Variants in PRKCE observed in about 807,000 individuals in gnomAD.
The protein encoded by PRKCE is protein kinase C epsilon type.
In PRKCE, 16 loss-of-function variants were observed where a neutral mutation model predicts 85.4. The observed-to-expected ratio is 0.19, with a 90% CI of 0.13 to 0.28. The LOEUF is 0.28. Among genes scored for constraint, PRKCE ranks in the 10% least tolerant of loss-of-function variants. The pLI, the probability that PRKCE is intolerant of heterozygous loss-of-function variation, is 1.00. For missense variants in PRKCE, 573 were observed against 975.2 expected, an observed-to-expected ratio of 0.59 and a Z score of 5.49; for synonymous variants, 388 against 371.5, an observed-to-expected ratio of 1.04 and a Z score of -0.51.
At chr2:45,687,231 T>C (rs566686880) in intron 1 of PRKCE, among the ~76,000 whole-genome samples, 1 of 152,206 alleles carries the variant, frequency 6.6e-6, no homozygotes, top group South Asian at 2.1e-4. Flanking sequence ...AAACGACTAA[T>C]ATCCTTAATT....
Position 45,907,476 on chromosome 2 carries a change from A to G in PRKCE, c.412+64413A>G, listed in dbSNP as rs1479353013. 1.3e-5 allele frequency among the ~76,000 whole-genome samples: 2 copies of G among 152,254 alleles called. No homozygotes were observed. Among genetic ancestry groups the G allele is most frequent in the Non-Finnish European group, 2.9e-5 (2 of 68,046 alleles). On this transcript the variant is annotated intron_variant, in intron 2 of 14. Transcript: ENST00000306156. The surrounding 1 kb of genome is among the most constrained non-coding windows in gnomAD (Gnocchi z 4.5). Reference sequence around the variant, plus strand: ...CCAAGACGAGTTTTGTCCCTGCCACAGAGGTAACAATGGACGAAGCACACT... The same window carrying G: ...CCAAGACGAGTTTTGTCCCTGCCACGGAGGTAACAATGGACGAAGCACACT...
intron 2 of PRKCE, among the ~76,000 whole-genome samples, chr2:45,910,437 T>C (rs1697302246): frequency 6.6e-6 from 1 of 152,184 alleles, no homozygotes; most frequent in African/African-American, 2.4e-5. Flanking sequence ...TTCTCTAGCC[T>C]AGTACTACTT....
intron 1 of PRKCE, among the ~76,000 whole-genome samples, chr2:45,743,332 A>G (rs893360972): frequency 3.3e-5 from 5 of 152,172 alleles, no homozygotes; most frequent in African/African-American, 7.2e-5. Context: ...TTACTTCACA[A>G]TGTGCACTTA....
At chr2:45,866,634 G>A (rs1019076379) in intron 2 of PRKCE, among the ~76,000 whole-genome samples, 1 of 152,198 alleles carries the variant, frequency 6.6e-6, no homozygotes, top group Non-Finnish European at 1.5e-5. Context: ...TAACAATGGC[G>A]GGGAAGCAGG....
At chr2:46,103,492 A>C (rs958340159) in intron 11 of PRKCE, among the ~76,000 whole-genome samples, 1 of 152,250 alleles carries the variant, frequency 6.6e-6, no homozygotes, top group African/African-American at 2.4e-5. Context: ...GAATACACAC[A>C]TACACATAAC....
chr2:45,689,568 AAAT>A (rs1383181658), intron 1 of PRKCE, among the ~76,000 whole-genome samples: 19 of 151,176 alleles, frequency 1.3e-4, no homozygotes, highest in Non-Finnish European at 2.7e-4. Flanking sequence ...TTAATTTAAT[AAAT>A]ATACATAGCA....
chr2:46,095,799 A>G (rs1670626967), intron 11 of PRKCE, among the ~76,000 whole-genome samples: 2 of 152,256 alleles, frequency 1.3e-5, no homozygotes, highest in Non-Finnish European at 2.9e-5. Flanking sequence ...AGTGGTGAAT[A>G]TTCAATATCT....
intron 1 of PRKCE, among the ~76,000 whole-genome samples, chr2:45,708,290 G>A (rs768956784): frequency 7.2e-5 from 11 of 152,288 alleles, no homozygotes; most frequent in South Asian, 2.1e-4. Flanking sequence ...AGCCTACATC[G>A]TGGGAAAACA....
At chr2:45,708,534 T>C (rs1357053077) in intron 1 of PRKCE, among the ~76,000 whole-genome samples, 3 of 152,264 alleles carry the variant, frequency 2.0e-5, no homozygotes, top group African/African-American at 7.2e-5. Context: ...TGACTGCTGT[T>C]GTCCATGTAA....
intron 1 of PRKCE, among the ~76,000 whole-genome samples, chr2:45,692,404 C>A (rs538670983): frequency 2.0e-5 from 3 of 152,288 alleles, no homozygotes; most frequent in Admixed American, 6.5e-5. Flanking sequence ...CCTGCTCTGC[C>A]TTTACAGGGC....
At chr2:46,171,414 C>G (rs2104657772) in intron 14 of PRKCE, among the ~76,000 whole-genome samples, 1 of 152,380 alleles carries the variant, frequency 6.6e-6, no homozygotes, top group Non-Finnish European at 1.5e-5. Context: ...AGCAACACCG[C>G]TATTGACAGA....
intron 1 of PRKCE, among the ~76,000 whole-genome samples, chr2:45,793,198 TGA>T (rs1005278884): frequency 1.3e-5 from 2 of 152,262 alleles, no homozygotes; most frequent in African/African-American, 4.8e-5. Flanking sequence ...CTTTGCTGAC[TGA>T]GAGAGAGCTG....
intron 1 of PRKCE, among the ~76,000 whole-genome samples, chr2:45,678,590 T>C (rs998072707): frequency 7.2e-5 from 11 of 151,966 alleles, no homozygotes; most frequent in Non-Finnish European, 1.5e-4. Flanking sequence ...GATAAGAGGT[T>C]AGAAGGCAAA....
At chr2:46,157,643 G>C (rs1056789625) in intron 13 of PRKCE, among the ~76,000 whole-genome samples, 1 of 152,228 alleles carries the variant, frequency 6.6e-6, no homozygotes, top group Non-Finnish European at 1.5e-5. Flanking sequence ...AGGGTGAGAC[G>C]TTCATGAGAA....
At chr2:45,866,636 G>A (rs903247635) in intron 2 of PRKCE, among the ~76,000 whole-genome samples, 2 of 152,206 alleles carry the variant, frequency 1.3e-5, no homozygotes, top group Non-Finnish European at 2.9e-5. Flanking sequence ...ACAATGGCGG[G>A]GAAGCAGGCG....
At chr2:46,051,062 T>A (rs1044167820) in intron 10 of PRKCE, among the ~76,000 whole-genome samples, 2 of 152,162 alleles carry the variant, frequency 1.3e-5, no homozygotes, top group African/African-American at 4.8e-5. Flanking sequence ...TCGTGTCAGG[T>A]GAGAGGAATT....
chr2:45,711,653 G>A (rs902523186), intron 1 of PRKCE, among the ~76,000 whole-genome samples: 1 of 152,070 alleles, frequency 6.6e-6, no homozygotes, highest in South Asian at 2.1e-4. Flanking sequence ...TTTTTGAGAC[G>A]AGTCTTGCTC....
intron 10 of PRKCE, among the ~76,000 whole-genome samples, chr2:46,054,457 G>A (rs545687752): frequency 1.3e-5 from 2 of 152,240 alleles, no homozygotes; most frequent in East Asian, 3.9e-4. Flanking sequence ...TACCCCCTCA[G>A]CCTCTGCTCA....
chr2:46,020,189 C>T (rs988454451), intron 10 of PRKCE, among the ~76,000 whole-genome samples: 17 of 152,066 alleles, frequency 1.1e-4, no homozygotes, highest in African/African-American at 4.1e-4. Context: ...GGAGGTGCCT[C>T]TGTTGCTTCA....
Sources: gnomAD v4.1 joint callset for allele counts (sites outside exome capture counted in the v4.1 genomes callset) on GRCh38, gnomAD v4.1.1 for gene constraint, Gnocchi (gnomAD v3.1) non-coding constraint, MANE v1.5 for transcripts, NCBI Gene and HGNC (gene_info 2026-07-23, HGNC 2026-07-21) for gene names.